Variants in RAP1GAP observed in about 807,000 individuals in gnomAD.
RAP1GAP encodes the protein RAP1 GTPase activating protein, also known as rap1 GTPase-activating protein 1.
RAP1GAP carries 35 observed loss-of-function variants against 87.2 expected under a neutral mutation model. The observed-to-expected ratio is 0.40, with a 90% CI of 0.31 to 0.53. The LOEUF is 0.53. Among genes scored for constraint, RAP1GAP ranks in the 20% least tolerant of loss-of-function variants. The probability of loss-of-function intolerance (pLI) is 0.48; values close to 1 mark genes in which losing one functional copy is unlikely to be tolerated. For missense variants in RAP1GAP, 734 were observed against 898.9 expected, an observed-to-expected ratio of 0.82 and a Z score of 2.35; for synonymous variants, 375 against 363.9, an observed-to-expected ratio of 1.03 and a Z score of -0.35.
chr1:21,653,458 A>T (rs1204630905), intron 1 of RAP1GAP, among the ~76,000 whole-genome samples: 1 of 152,098 alleles, frequency 6.6e-6, no homozygotes, highest in Non-Finnish European at 1.5e-5. Context: ...GCAGTGCTGT[A>T]GAGTCCTGGG....
At position 21,613,771 on chromosome 1, in the gene RAP1GAP, C is replaced by T; in HGVS notation, c.396-65G>A. On this transcript the variant is annotated intron_variant, in intron 8 of 24. Coordinates refer to ENST00000374765, the MANE Select transcript of RAP1GAP (RefSeq NM_002885.4). This position sits in a 1 kb window ranked among gnomAD's most constrained non-coding sequence, Gnocchi z 4.7. ...GGACAGGAAAATGGGAACCCCACCCCCCACAAAGTAAGGCCAGAAGGGGGT... is the reference window on the plus strand; with the variant it reads ...GGACAGGAAAATGGGAACCCCACCCTCCACAAAGTAAGGCCAGAAGGGGGT... 3 of 1,482,264 alleles carry T rather than the reference C, an allele frequency of 2.0e-6. No individual in the cohort carries two copies. The highest frequency in any genetic ancestry group is 2.8e-6 in the Non-Finnish European group (3 of 1,063,236). The allele number at this position is 1,482,264 out of a possible 1,614,324, so 91.8% of individuals were successfully genotyped here. A position where few individuals can be genotyped will look rare whatever the true frequency, so the allele number is the denominator to read the frequency against.
chr1:21,646,140 G>A lies in RAP1GAP; in HGVS notation c.-113+3621C>T, dbSNP rs1267395207. ...GTCAGGATGGAATGAAATGATTCAG[G>A]GGAAGTGCTGGGCCCAGGGCCTGGG... On this transcript the variant is annotated intron_variant, in intron 2 of 24. Transcript: ENST00000374765. 2.0e-5 allele frequency among the ~76,000 whole-genome samples: 3 copies of A among 152,208 alleles called. No individual in the cohort carries two copies. The East Asian group carries it at 5.8e-4, about 29-fold the overall frequency.
Position 21,609,688 on chromosome 1 carries a change from T to C in RAP1GAP, c.1000-42A>G, listed in dbSNP as rs760608738. On this transcript the variant is annotated intron_variant, in intron 14 of 24. Transcript: ENST00000374765. The surrounding 1 kb of genome is among the most constrained non-coding windows in gnomAD (Gnocchi z 4.4). The stretch of plus-strand genomic sequence containing the variant: ...CTGTCTGTTCCTGTGGAGCCTGGGG[T>C]CTGCTCTGCCCCACCCAGCCAGAAA... 3 of 1,463,014 alleles carry C rather than the reference T, an allele frequency of 2.1e-6. No homozygotes were observed. Among genetic ancestry groups the C allele is most frequent in the Non-Finnish European group, 2.8e-6 (3 of 1,087,046 alleles). The allele number at this position is 1,463,014 out of a possible 1,614,324, so 90.6% of individuals were successfully genotyped here.
At chr1:21,610,012 C>T (rs933696264) in intron 14 of RAP1GAP, 108 bp downstream of exon 14, 23 of 1,331,668 alleles carry the variant, frequency 1.7e-5, no homozygotes, top group East Asian at 5.0e-5. Context: ...CTTCCATGGT[C>T]CCCCCATTAT....
At chr1:21,630,669 C>T (rs566208145) in intron 2 of RAP1GAP, among the ~76,000 whole-genome samples, 1 of 152,034 alleles carries the variant, frequency 6.6e-6, no homozygotes, top group South Asian at 2.1e-4. Context: ...CCTTCCCCCT[C>T]GGCCTCCTAG....
At chr1:21,640,697 G>C (rs780514589) in intron 2 of RAP1GAP, among the ~76,000 whole-genome samples, 4 of 139,468 alleles carry the variant, frequency 2.9e-5, no homozygotes, top group Non-Finnish European at 4.6e-5. Flanking sequence ...TAGGTCCAGG[G>C]TCTTTGCGCC....
intron 17 of RAP1GAP, 113 bp downstream of exon 17, chr1:21,608,100 C>T (rs1157691741): frequency 2.0e-6 from 3 of 1,477,192 alleles, no homozygotes; most frequent in Non-Finnish European, 1.8e-6. Context: ...CAGCCACGCC[C>T]CTTCTGCCAG....
rs752755495 is a variant in RAP1GAP at position 21,626,392 on chromosome 1, C to T, written c.-107G>A. ...AGGGAAGTGCTGGTTCTGCCCATCG[C>T]TCCTCCTGGAAGAGAAAGAGTCTGA... On this transcript the variant is annotated 5_prime_UTR_variant, in exon 3 of 25. Coordinates refer to ENST00000374765, the MANE Select transcript of RAP1GAP (RefSeq NM_002885.4). 1 of 1,611,878 alleles carries T rather than the reference C, an allele frequency of 6.2e-7. No homozygotes were observed. The highest frequency in any genetic ancestry group is 1.1e-5 in the South Asian group (1 of 91,066).
intron 2 of RAP1GAP, among the ~76,000 whole-genome samples, chr1:21,643,959 G>C (rs2095790435): frequency 6.6e-6 from 1 of 152,118 alleles, no homozygotes; most frequent in Non-Finnish European, 1.5e-5. Flanking sequence ...GGGCACACAG[G>C]GCCAACCAGA....
chr1:21,613,287 G>C lies in RAP1GAP; in HGVS notation c.475-58C>G. Reference sequence around the variant, plus strand: ...GTGGGGCCAGGGAGGAGAGGATGGGGCTGCCTGGGCCTCCCTGGTCAAGGT... The same window carrying C: ...GTGGGGCCAGGGAGGAGAGGATGGGCCTGCCTGGGCCTCCCTGGTCAAGGT... On this transcript the variant is annotated intron_variant, in intron 9 of 24. Coordinates refer to ENST00000374765, the MANE Select transcript of RAP1GAP (RefSeq NM_002885.4). This position sits in a 1 kb window ranked among gnomAD's most constrained non-coding sequence, Gnocchi z 4.7. 2 of 1,427,898 alleles carry C rather than the reference G, an allele frequency of 1.4e-6. No homozygotes were observed. The highest frequency in any genetic ancestry group is 2.0e-6 in the Non-Finnish European group (2 of 1,011,080). 88.5% of individuals were successfully genotyped at this position (1,427,898 alleles called of 1,614,324 possible). A position where few individuals can be genotyped will look rare whatever the true frequency, so the allele number is the denominator to read the frequency against.
At chr1:21,660,349 T>TATATATATATA (rs1257256841) in intron 1 of RAP1GAP, among the ~76,000 whole-genome samples, 1 of 64,356 alleles carries the variant, frequency 1.6e-5, no homozygotes, top group Non-Finnish European at 3.3e-5. Context: ...CTATATATAT[T>TATATATATATA]TATTGAGACA....
At position 21,603,596 on chromosome 1, in the gene RAP1GAP, TC is replaced by T; in HGVS notation, c.1429-684del. 2 of 681,538 alleles carry T rather than the reference TC, an allele frequency of 2.9e-6. No individual in the cohort carries two copies. The highest frequency in any genetic ancestry group is 5.3e-6 in the Non-Finnish European group (2 of 374,172). The allele number at this position is 681,538 out of a possible 1,614,324, so 42.2% of individuals were successfully genotyped here. A position where few individuals can be genotyped will look rare whatever the true frequency, so the allele number is the denominator to read the frequency against. On this transcript the variant is annotated intron_variant, in intron 18 of 24. Transcript: ENST00000374765. The surrounding 1 kb of genome is among the most constrained non-coding windows in gnomAD (Gnocchi z 6.0). ...GATCCTGGCAGGGACTGGGCCAGGG[TC>T]CCAGGGGCCAAGGCAGGGCCAGAAG...
At chr1:21,651,822 T>C in intron 1 of RAP1GAP, 9 of 1,252,514 alleles carry the variant, frequency 7.2e-6, no homozygotes, top group East Asian at 7.3e-5. Flanking sequence ...CGGCCGCTCA[T>C]GGTGCCGCCG....
Position 21,603,504 on chromosome 1 carries a change from G to C in RAP1GAP, c.1429-591C>G. On this transcript the variant is annotated intron_variant, in intron 18 of 24. Coordinates refer to ENST00000374765, the MANE Select transcript of RAP1GAP (RefSeq NM_002885.4). This position sits in a 1 kb window ranked among gnomAD's most constrained non-coding sequence, Gnocchi z 6.0. ...AGGAGGAGTCAGGGCAGAGGAGAGG[G>C]ATGGCGCTCCATGCAGACCGGCGAT... 1.7e-6 allele frequency: 1 copy of C among 598,974 alleles called. No individual in the cohort carries two copies. The highest frequency in any genetic ancestry group is 3.0e-6 in the Non-Finnish European group (1 of 333,676). 37.1% of individuals were successfully genotyped at this position (598,974 alleles called of 1,614,324 possible).
chr1:21,608,498 C>T (rs1402463247), intron 16 of RAP1GAP, 148 bp from the exon 17 acceptor site: 2 of 1,081,288 alleles, frequency 1.8e-6, no homozygotes, highest in Non-Finnish European at 2.6e-6. Context: ...CACCGCCTTC[C>T]CCCAGGCCAC....
At chr1:21,605,653 C>T (rs566253715) in intron 18 of RAP1GAP, among the ~76,000 whole-genome samples, 1 of 151,996 alleles carries the variant, frequency 6.6e-6, no homozygotes, top group South Asian at 2.1e-4. Flanking sequence ...TGGGTGCCCA[C>T]AGCCCGACAC....
intron 2 of RAP1GAP, among the ~76,000 whole-genome samples, chr1:21,649,126 C>T (rs1337299939): frequency 1.3e-5 from 2 of 152,180 alleles, no homozygotes; most frequent in East Asian, 3.9e-4. Flanking sequence ...ATCAGGGTGC[C>T]ACGATGTATC....
chr1:21,612,197 G>A (rs760370162), intron 10 of RAP1GAP, 88 bp from the exon 11 acceptor site: 39 of 997,374 alleles, frequency 3.9e-5, no homozygotes, highest in Admixed American at 2.6e-4. Context: ...TGAGCCAGGC[G>A]CTCTACACAC....
At chr1:21,661,252 C>CAAA (rs60956284) in intron 1 of RAP1GAP, among the ~76,000 whole-genome samples, 4 of 127,362 alleles carry the variant, frequency 3.1e-5, no homozygotes, top group East Asian at 2.3e-4. Flanking sequence ...ACTCTGTCTC[C>CAAA]AAAAAAAAAA....
Sources: gnomAD v4.1 joint callset for allele counts (sites outside exome capture counted in the v4.1 genomes callset) on GRCh38, gnomAD v4.1.1 for gene constraint, Gnocchi (gnomAD v3.1) non-coding constraint, MANE v1.5 for transcripts, NCBI Gene and HGNC (gene_info 2026-07-23, HGNC 2026-07-21) for gene names.